Variants in RNF157 observed in about 807,000 individuals in gnomAD.
RNF157 encodes the protein ring finger protein 157, also known as E3 ubiquitin ligase RNF157.
In RNF157, 55 loss-of-function variants were observed where a neutral mutation model predicts 88.3. The ratio of observed to expected loss-of-function variants is 0.62; its 90% CI spans 0.50 to 0.78. The LOEUF is 0.78. Among genes scored for constraint, RNF157 ranks in the 30% least tolerant of loss-of-function variants. RNF157 has a pLI of 0.00. For missense variants in RNF157, 788 were observed against 860.8 expected (o/e 0.92, Z 1.06); for synonymous variants, 334 against 341.2 (o/e 0.98, Z 0.23).
chr17:76,230,409 A>G (rs1195693771), intron 1 of RNF157, among the ~76,000 whole-genome samples: 1 of 152,168 alleles, frequency 6.6e-6, no homozygotes, highest in Admixed American at 6.6e-5. Context: ...AAAACACTGA[A>G]CATGTGCTCT....
chr17:76,166,626 T>A, intron 5 of RNF157, 99 bp from the exon 6 acceptor site: 1 of 976,868 alleles, frequency 1.0e-6, no homozygotes, highest in Non-Finnish European at 1.6e-6. Context: ...GAAGCATTAA[T>A]CTCATCTCTG....
At position 76,146,544 on chromosome 17, in the gene RNF157, C is replaced by T. The variant is rs570701140; in HGVS notation, c.1922-1191G>A. The T allele has an allele frequency of 2.5e-5, 25 of 985,458 alleles. No individual in the cohort carries two copies. In the East Asian group the frequency reaches 1.6e-3, roughly 63 times the overall value. The allele number at this position is 985,458 out of a possible 1,614,324, so 61.0% of individuals were successfully genotyped here. On this transcript the variant is annotated intron_variant, in intron 18 of 18. Coordinates refer to ENST00000269391, the MANE Select transcript of RNF157 (RefSeq NM_052916.3). This position sits in a 1 kb window ranked among gnomAD's most constrained non-coding sequence, Gnocchi z 4.2. Reference sequence around the variant, plus strand: ...GCTCCCTGGGGTAGGGAAGGCATGTCGTCCTCCGGACCCTGTGGGCCTCCC... The same window carrying T: ...GCTCCCTGGGGTAGGGAAGGCATGTTGTCCTCCGGACCCTGTGGGCCTCCC...
At chr17:76,207,250 T>C (rs1244733579) in intron 2 of RNF157, among the ~76,000 whole-genome samples, 1 of 152,126 alleles carries the variant, frequency 6.6e-6, no homozygotes, top group Non-Finnish European at 1.5e-5. Context: ...AAAGACCCTG[T>C]CTCTACAAAA....
intron 2 of RNF157, among the ~76,000 whole-genome samples, chr17:76,193,799 C>T (rs2069426093): frequency 6.6e-6 from 1 of 152,212 alleles, no homozygotes; most frequent in African/African-American, 2.4e-5. Context: ...GCAGGCTCTC[C>T]CGCATCCTGC....
intron 2 of RNF157, among the ~76,000 whole-genome samples, chr17:76,204,653 C>A (rs1392063000): frequency 2.6e-5 from 4 of 152,186 alleles, no homozygotes; most frequent in Non-Finnish European, 4.4e-5. Context: ...ATAACTTGCT[C>A]TTCCTGACAC....
chr17:76,211,622 G>A (rs986047554), intron 2 of RNF157, among the ~76,000 whole-genome samples: 1 of 152,154 alleles, frequency 6.6e-6, no homozygotes, highest in African/African-American at 2.4e-5. Context: ...CCTAGCTTCT[G>A]TCATTATTCA....
Position 76,166,679 on chromosome 17 carries a change from T to C in RNF157, c.562-152A>G. 1.2e-5 allele frequency: 8 copies of C among 672,052 alleles called. 1 individual carries two copies. In the South Asian group the frequency reaches 1.5e-4, roughly 13 times the overall value. 41.6% of individuals were successfully genotyped at this position (672,052 alleles called of 1,614,324 possible). Reference sequence around the variant, plus strand: ...TTGTTAATTACCCAAGTTTGTTAACTGAGGGCCATCAGCTGCTTTTTAAAA... The same window carrying C: ...TTGTTAATTACCCAAGTTTGTTAACCGAGGGCCATCAGCTGCTTTTTAAAA... On this transcript the variant is annotated intron_variant, in intron 5 of 18. Transcript: ENST00000269391.
rs56231427 is a variant in RNF157, at chr17:76,148,261, CTT to C, written c.1922-2910_1922-2909del. Among the ~76,000 whole-genome samples, 229 of 121,130 alleles carry C rather than the reference CTT, an allele frequency of 1.9e-3. 1 individual carries two copies. The highest frequency in any genetic ancestry group is 9.5e-3 in the Middle Eastern group (2 of 210). The allele number at this position is 121,130 out of a possible 152,430, so 79.5% of individuals were successfully genotyped here. A position where few individuals can be genotyped will look rare whatever the true frequency, so the allele number is the denominator to read the frequency against. On this transcript the variant is annotated intron_variant, in intron 18 of 18. Transcript: ENST00000269391. The stretch of plus-strand genomic sequence containing the variant: ...CTAAAAAGATCCAAATTATCTTTGC[CTT>C]TTTTTTTTTTTTTTTTTTTGAGACA...
chr17:76,205,909 AG>A (rs2144999973), intron 2 of RNF157, among the ~76,000 whole-genome samples: 1 of 151,808 alleles, frequency 6.6e-6, no homozygotes, highest in South Asian at 2.1e-4. Context: ...ATAAAATGAG[AG>A]GAGCGGTTTG....
Position 76,161,960 on chromosome 17 carries a change from C to T in RNF157, c.835G>A (p.Val279Met). 1 of 1,614,196 alleles carries T rather than the reference C, an allele frequency of 6.2e-7. No homozygotes were observed. The highest frequency in any genetic ancestry group is 8.5e-7 in the Non-Finnish European group (1 of 1,180,024). The change falls in exon 10 of 19, where the codon GTG becomes ATG. Residue 279 changes from valine to methionine, a missense_variant. Transcript: ENST00000269391. This position sits in a 1 kb window ranked among gnomAD's most constrained non-coding sequence, Gnocchi z 4.6. ...GTGTCCCGGACATCCGAGAGACACA[C>T]CACACACTCGGCACTGTTATCACTC... ...EVSDNSAECVVCLSDVRDTLI... is the reference protein window; with the variant it reads ...EVSDNSAECVMCLSDVRDTLI...
At position 76,157,702 on chromosome 17, in the gene RNF157, G is replaced by A. The variant is rs2068787942; in HGVS notation, c.1413+691C>T. ...ATTCCCATGTATATGTCCTGTCCCA[G>A]CCAGACCTGAGCACCTAAGGGCAGG... On this transcript the variant is annotated intron_variant, in intron 13 of 18. Coordinates refer to ENST00000269391, the MANE Select transcript of RNF157 (RefSeq NM_052916.3). The surrounding 1 kb of genome is among the most constrained non-coding windows in gnomAD (Gnocchi z 5.6). 6.6e-6 allele frequency among the ~76,000 whole-genome samples: 1 copy of A among 152,164 alleles called. No individual in the cohort carries two copies. The highest frequency in any genetic ancestry group is 1.5e-5 in the Non-Finnish European group (1 of 68,030).
chr17:76,152,374 G>A lies in RNF157; in HGVS notation c.1902C>T (p.Cys634=), dbSNP rs2068692341. ...ASVKALDNKL[C]SEVCLPGAWQ... is the part of the protein sequence containing the mutation. ...ACTCACCAGGTAAGCAGACCTCAGAGCACAGCTTATTGTCCAGTGCTTTCA... is the reference window on the plus strand; with the variant it reads ...ACTCACCAGGTAAGCAGACCTCAGAACACAGCTTATTGTCCAGTGCTTTCA... Residue 634 remains cysteine (C), a synonymous_variant, in exon 18 of 19, where the codon TGC becomes TGT. Transcript: ENST00000269391. The A allele has an allele frequency of 6.2e-7, 1 of 1,610,808 alleles. No homozygotes were observed. Among genetic ancestry groups the A allele is most frequent in the Non-Finnish European group, 8.5e-7 (1 of 1,176,968 alleles).
chr17:76,167,104 G>T lies in RNF157; in HGVS notation c.466C>A (p.Leu156Ile). The T allele has an allele frequency of 6.2e-7, 1 of 1,612,712 alleles. No individual in the cohort carries two copies. Among genetic ancestry groups the T allele is most frequent in the South Asian group, 1.1e-5 (1 of 90,826 alleles). ...IASYIPKDNSLQSETVQYKRG... is the reference protein window; with the variant it reads ...IASYIPKDNSIQSETVQYKRG... ...TTGTACTGCACAGTCTCCGACTGGA[G>T]GCTGTTGTCTTTGGGAATGTAGCTA... The change falls in exon 5 of 19, where the codon CTC becomes ATC. Residue 156 changes from leucine (L) to isoleucine (I), a missense_variant. Coordinates refer to ENST00000269391, the MANE Select transcript of RNF157 (RefSeq NM_052916.3).
chr17:76,230,371 G>A (rs1431501477), intron 1 of RNF157, among the ~76,000 whole-genome samples: 1 of 152,156 alleles, frequency 6.6e-6, no homozygotes, highest in African/African-American at 2.4e-5. Context: ...GGTCACCCAG[G>A]CTAAAAATGT....
At chr17:76,149,808 C>T (rs2144793863) in intron 18 of RNF157, among the ~76,000 whole-genome samples, 1 of 152,164 alleles carries the variant, frequency 6.6e-6, no homozygotes. Flanking sequence ...CCGAGGTGGG[C>T]AGATCACCTG....
intron 1 of RNF157, among the ~76,000 whole-genome samples, chr17:76,216,385 A>G (rs1009817074): frequency 2.0e-5 from 3 of 152,208 alleles, no homozygotes; most frequent in African/African-American, 7.2e-5. Context: ...CTTTTATGCC[A>G]TAATATTAAA....
intron 12 of RNF157, 56 bp downstream of exon 12, chr17:76,159,279 A>C: frequency 6.8e-7 from 1 of 1,468,328 alleles, no homozygotes; most frequent in Non-Finnish European, 9.5e-7. Context: ...CCAAGGAGGG[A>C]TGAAGCATTT....
intron 2 of RNF157, among the ~76,000 whole-genome samples, chr17:76,185,468 G>C (rs55876221): frequency 0.096 from 14,103 of 146,550 alleles, 985 homozygotes; most frequent in African/African-American, 0.18. Flanking sequence ...TCAGAGATTA[G>C]TCCTTTCTTT....
Position 76,143,112 on chromosome 17 carries a change from G to C in RNF157, c.*2123C>G, listed in dbSNP as rs2068538232. 1 of 152,470 alleles carries C rather than the reference G, an allele frequency of 6.6e-6. No homozygotes were observed. The highest frequency in any genetic ancestry group is 1.5e-5 in the Non-Finnish European group (1 of 68,194). 9.4% of individuals were successfully genotyped at this position (152,470 alleles called of 1,614,324 possible). A position where few individuals can be genotyped will look rare whatever the true frequency, so the allele number is the denominator to read the frequency against. ...GCTAAATGACAGCCAAGAGAAGGCA[G>C]GGGGAGGGAGGAAGAGGAGAAATAG... is the stretch of plus-strand genomic sequence containing the variant. On this transcript the variant is annotated 3_prime_UTR_variant, in exon 19 of 19. Coordinates refer to ENST00000269391, the MANE Select transcript of RNF157 (RefSeq NM_052916.3).
Sources: gnomAD v4.1 joint callset for allele counts (sites outside exome capture counted in the v4.1 genomes callset) on GRCh38, gnomAD v4.1.1 for gene constraint, Gnocchi (gnomAD v3.1) non-coding constraint, MANE v1.5 for transcripts, NCBI Gene and HGNC (gene_info 2026-07-23, HGNC 2026-07-21) for gene names.